Variants in COPG2 observed in about 807,000 individuals in gnomAD.
COPG2 encodes the protein coat protein complex I subunit gamma 2.
COPG2 carries 37 observed loss-of-function variants against 46.3 expected under a neutral mutation model. The observed-to-expected ratio is 0.80, with a 90% confidence interval of 0.61 to 1.05. COPG2 has a LOEUF of 1.05. COPG2 is among the 50% of genes least tolerant of loss of function. The pLI, the probability that COPG2 is intolerant of heterozygous loss-of-function variation, is 0.00. For synonymous variants in COPG2, 159 were observed against 129.7 expected, an observed-to-expected ratio of 1.23 and a Z score of -1.53; for missense variants, 427 against 387.8, an observed-to-expected ratio of 1.10 and a Z score of -0.85.
chr7:130,571,722 A>G (rs782385623), intron 9 of COPG2, among the ~76,000 whole-genome samples: 4 of 152,186 alleles, frequency 2.6e-5, no homozygotes, highest in Admixed American at 6.6e-5. Context: ...AGAAGTCATT[A>G]TATGAAAAAG....
chr7:130,539,620 G>A (rs1799916786), intron 20 of COPG2, among the ~76,000 whole-genome samples: 1 of 152,174 alleles, frequency 6.6e-6, no homozygotes, highest in East Asian at 1.9e-4. Flanking sequence ...CCTTCCCTTG[G>A]CCAAGGAAGC....
intron 9 of COPG2, among the ~76,000 whole-genome samples, chr7:130,568,120 C>T (rs1310394375): frequency 1.3e-5 from 2 of 152,024 alleles, no homozygotes; most frequent in African/African-American, 2.4e-5. Flanking sequence ...ACTAAAAATA[C>T]AAAAATTAGC....
chr7:130,603,986 A>G (rs140262045), intron 9 of COPG2: 2 of 406,648 alleles, frequency 4.9e-6, no homozygotes, highest in African/African-American at 4.2e-5. Flanking sequence ...AGCTAGAGAA[A>G]AGAAAATATT....
intron 9 of COPG2, among the ~76,000 whole-genome samples, chr7:130,577,327 C>A (rs1452442397): frequency 2.6e-5 from 4 of 152,240 alleles, no homozygotes; most frequent in Non-Finnish European, 5.9e-5. Flanking sequence ...CGTGCGCAAG[C>A]CGAACCAGGG....
intron 5 of COPG2, among the ~76,000 whole-genome samples, chr7:130,623,425 T>C (rs1001207593): frequency 6.6e-6 from 1 of 152,212 alleles, no homozygotes; most frequent in African/African-American, 2.4e-5. Flanking sequence ...GGTCTGTTAG[T>C]CTGTTCATGT....
intron 9 of COPG2, among the ~76,000 whole-genome samples, chr7:130,597,742 G>A (rs2116475040): frequency 1.3e-5 from 2 of 152,264 alleles, no homozygotes; most frequent in Non-Finnish European, 2.9e-5. Context: ...TGTTCCAGGG[G>A]AGCCTTGTGA....
chr7:130,520,113 A>G (rs1799712499), intron 20 of COPG2, among the ~76,000 whole-genome samples: 1 of 152,246 alleles, frequency 6.6e-6, no homozygotes, highest in African/African-American at 2.4e-5. Flanking sequence ...AATCATGATA[A>G]GGTTAACATC....
At chr7:130,524,381 T>A (rs1799754870) in intron 20 of COPG2, among the ~76,000 whole-genome samples, 1 of 152,154 alleles carries the variant, frequency 6.6e-6, no homozygotes, top group South Asian at 2.1e-4. Flanking sequence ...TACCGTGCTA[T>A]GCAGTAGAGG....
At chr7:130,646,415 C>T (rs1298585485) in intron 5 of COPG2, among the ~76,000 whole-genome samples, 2 of 152,116 alleles carry the variant, frequency 1.3e-5, no homozygotes, top group African/African-American at 2.4e-5. Context: ...CATTCTTCTA[C>T]CCAAAGTTCA....
At chr7:130,583,953 C>T (rs1794214137) in intron 9 of COPG2, among the ~76,000 whole-genome samples, 1 of 151,376 alleles carries the variant, frequency 6.6e-6, no homozygotes, top group Non-Finnish European at 1.5e-5. Flanking sequence ...CCCTCCCGAA[C>T]TCATTCTATG....
chr7:130,569,693 C>T (rs1793862702), intron 9 of COPG2, among the ~76,000 whole-genome samples: 1 of 152,012 alleles, frequency 6.6e-6, no homozygotes, highest in South Asian at 2.1e-4. Flanking sequence ...GTGAATCCTC[C>T]TTAAATCATT....
At chr7:130,599,635 A>G (rs1034923658) in intron 9 of COPG2, among the ~76,000 whole-genome samples, 28 of 151,744 alleles carry the variant, frequency 1.8e-4, no homozygotes, top group African/African-American at 6.8e-4. Context: ...CTATACTTTC[A>G]CTAGAAGAAA....
At chr7:130,603,438 A>G (rs1451377720) in intron 9 of COPG2, among the ~76,000 whole-genome samples, 3 of 151,842 alleles carry the variant, frequency 2.0e-5, no homozygotes, top group Non-Finnish European at 4.4e-5. Flanking sequence ...TTTTGTGGCA[A>G]TTTGGGCATG....
intron 9 of COPG2, chr7:130,604,672 T>G (rs1794696395): frequency 2.0e-6 from 1 of 504,028 alleles, no homozygotes; most frequent in Admixed American, 2.1e-5. Flanking sequence ...TTTCTTCACT[T>G]ATTGCACAAA....
intron 20 of COPG2, among the ~76,000 whole-genome samples, chr7:130,540,615 T>C (rs1019185369): frequency 6.6e-6 from 1 of 151,588 alleles, no homozygotes; most frequent in Admixed American, 6.6e-5. Flanking sequence ...AATGAAGTGG[T>C]TCCAAGCAGA....
intron 14 of COPG2, among the ~76,000 whole-genome samples, chr7:130,553,731 G>C (rs1793571230): frequency 6.6e-6 from 1 of 152,130 alleles, no homozygotes; most frequent in Admixed American, 6.5e-5. Flanking sequence ...ATCTTACAGA[G>C]AACTAATATT....
At position 130,506,754 on chromosome 7, in the gene COPG2, G is replaced by T. The variant is rs369398191; in HGVS notation, c.2538C>A (p.Ala846=). Residue 846 remains alanine, a synonymous_variant, in exon 24 of 24, where the codon GCC becomes GCA. Coordinates refer to ENST00000425248, the MANE Select transcript of COPG2 (RefSeq NM_012133.6). ...CAGTCACCTGCATGGTCACTCCATC[G>T]GCTAAGGCCAGCCTGGACCTCACCA... ...DLLVRSRLAL[A]DGVTMQVTVR... The T allele has an allele frequency of 2.6e-6, 2 of 780,492 alleles. No homozygotes were observed. Among genetic ancestry groups the T allele is most frequent in the South Asian group, 1.3e-5 (1 of 74,604 alleles). 48.3% of individuals were successfully genotyped at this position (780,492 alleles called of 1,614,324 possible). A position where few individuals can be genotyped will look rare whatever the true frequency, so the allele number is the denominator to read the frequency against.
chr7:130,507,873 C>CA (rs1337205812), intron 21 of COPG2, 50 bp from the exon 22 acceptor site: 1 of 767,246 alleles, frequency 1.3e-6, no homozygotes, highest in East Asian at 2.4e-5. Context: ...TGTTATAGGG[C>CA]AAAGATAAAG....
At chr7:130,647,706 G>A (rs1007811733) in intron 5 of COPG2, among the ~76,000 whole-genome samples, 6 of 150,514 alleles carry the variant, frequency 4.0e-5, no homozygotes, top group South Asian at 4.3e-4. Flanking sequence ...AACCATTCTA[G>A]TGGGTATGCT....
Sources: allele counts gnomAD v4.1 joint callset (sites outside exome capture counted in the v4.1 genomes callset), GRCh38; gene constraint gnomAD v4.1.1; transcripts MANE v1.5; gene names NCBI Gene and HGNC (gene_info 2026-07-23, HGNC 2026-07-21).